SH3PXD2B: variants seen among roughly 807,000 people sequenced by gnomAD.
SH3PXD2B encodes the protein SH3 and PX domains 2B, also known as SH3 and PX domain-containing protein 2B.
In SH3PXD2B, 37 loss-of-function variants were observed where a neutral mutation model predicts 73.1. That is an observed-to-expected ratio of 0.51 (90% CI 0.39 to 0.67). The LOEUF is 0.67. Ranked by LOEUF, SH3PXD2B falls within the 30% of genes least tolerant of loss-of-function variation. The probability of loss-of-function intolerance (pLI) is 0.00; values close to 1 mark genes in which losing one functional copy is unlikely to be tolerated. For synonymous variants in SH3PXD2B, 457 were observed against 480.5 expected (o/e 0.95, Z 0.64); for missense variants, 1,053 against 1,197.8 (o/e 0.88, Z 1.78).
chr5:172,358,782 G>A lies in SH3PXD2B; in HGVS notation c.658C>T (p.Pro220Ser). The A allele has an allele frequency of 6.2e-7, 1 of 1,612,488 alleles. No individual in the cohort carries two copies. The highest frequency in any genetic ancestry group is 1.1e-5 in the South Asian group (1 of 90,690). ...DGVQDEFSLQ[P>S]EEEEKYTVIY... ...TCGAGCTCCTCCCTACCTTCTTCAG[G>A]CTGCAGAGAAAACTCATCCTGCACC... The change falls in exon 8 of 13, where the codon CCT becomes TCT. Residue 220 changes from proline to serine, a missense_variant. Coordinates refer to ENST00000311601, the MANE Select transcript of SH3PXD2B (RefSeq NM_001017995.3).
At chr5:172,370,034 G>A (rs1165924700) in intron 6 of SH3PXD2B, among the ~76,000 whole-genome samples, 1 of 152,042 alleles carries the variant, frequency 6.6e-6, no homozygotes, top group African/African-American at 2.4e-5. Context: ...AATAAATATT[G>A]AATGAATAAC....
exon 13 of SH3PXD2B, chr5:172,325,191 C>T (rs1351835481): frequency 2.7e-5 from 25 of 909,696 alleles, no homozygotes; most frequent in South Asian, 2.3e-4. Flanking sequence ...TTTTGTATTA[C>T]GCATATTTTA....
chr5:172,405,631 T>C (rs1338290255), intron 3 of SH3PXD2B, among the ~76,000 whole-genome samples: 1 of 152,214 alleles, frequency 6.6e-6, no homozygotes, highest in Non-Finnish European at 1.5e-5. Flanking sequence ...GACTTTTCTG[T>C]AGGTCTTCCA....
intron 10 of SH3PXD2B, 74 bp from the exon 11 acceptor site, chr5:172,347,406 A>G: frequency 6.1e-6 from 9 of 1,487,218 alleles, no homozygotes; most frequent in Non-Finnish European, 5.6e-6. Flanking sequence ...GGTCGGGTCT[A>G]TTTTCTCCTG....
In SH3PXD2B at chr5:172,334,652, T is replaced by C; in HGVS notation, c.*3717A>G. The C allele has an allele frequency of 3.0e-6, 3 of 985,508 alleles. No homozygotes were observed. The highest frequency in any genetic ancestry group is 3.6e-6 in the Non-Finnish European group (3 of 829,990). 61.0% of individuals were successfully genotyped at this position (985,508 alleles called of 1,614,324 possible). ...CACGATGAAAGGACGGGGGTCCAGC[T>C]ACGAATGTTTTTGTTCTTGATGTCA... is the stretch of plus-strand genomic sequence containing the variant. On this transcript the variant is annotated 3_prime_UTR_variant, in exon 13 of 13. Coordinates refer to ENST00000311601, the MANE Select transcript of SH3PXD2B (RefSeq NM_001017995.3).
chr5:172,402,741 CA>C (rs902457733), intron 3 of SH3PXD2B, among the ~76,000 whole-genome samples: 1 of 152,236 alleles, frequency 6.6e-6, no homozygotes, highest in African/African-American at 2.4e-5. Flanking sequence ...TGAAATGGGA[CA>C]GCAGCCCCTA....
At chr5:172,418,656 G>C (rs941339152) in intron 2 of SH3PXD2B, among the ~76,000 whole-genome samples, 1 of 152,204 alleles carries the variant, frequency 6.6e-6, no homozygotes, top group African/African-American at 2.4e-5. Flanking sequence ...GTGTGTGGGG[G>C]AGGAGGCGGC....
At chr5:172,410,786 G>A (rs151240406) in intron 2 of SH3PXD2B, among the ~76,000 whole-genome samples, 131 of 152,260 alleles carry the variant, frequency 8.6e-4, no homozygotes, top group African/African-American at 3.0e-3. Flanking sequence ...CAGTGAACAT[G>A]TCCTCTCATA....
chr5:172,332,498 A>C (rs1756578120), downstream of SH3PXD2B, among the ~76,000 whole-genome samples: 2 of 151,626 alleles, frequency 1.3e-5, no homozygotes, highest in African/African-American at 4.9e-5. Context: ...TCTTGGGTTC[A>C]ACAGATCCTC....
intron 2 of SH3PXD2B, among the ~76,000 whole-genome samples, chr5:172,408,046 C>A (rs868092507): frequency 1.3e-5 from 2 of 152,068 alleles, no homozygotes; most frequent in East Asian, 3.9e-4. Context: ...CTGTTCTACA[C>A]GATGCCCTGG....
chr5:172,414,015 T>C (rs10476027), intron 2 of SH3PXD2B, among the ~76,000 whole-genome samples: 55,691 of 152,076 alleles, frequency 0.37, 10,658 homozygotes, highest in East Asian at 0.67. Flanking sequence ...AGTTCTGCCA[T>C]CCCCTAGACC....
At chr5:172,453,882 CA>C (rs1220287178) in intron 1 of SH3PXD2B, among the ~76,000 whole-genome samples, 1 of 152,146 alleles carries the variant, frequency 6.6e-6, no homozygotes, top group Non-Finnish European at 1.5e-5. Context: ...CAAGGAGGGG[CA>C]AGGCGGGCGG....
Position 172,338,967 on chromosome 5 carries a change from G to A in SH3PXD2B, c.2138C>T (p.Thr713Met), listed in dbSNP as rs200089592. ...TGGGCTGAGACCATCCTGTTTGCCC[G>A]TCCTGTCCTGGGCGCGGCCAGGCCC... Reference protein sequence around the residue: ...GEGPGRAQDRTGKQDGLSPKE... With the variant: ...GEGPGRAQDRMGKQDGLSPKE... The change falls in exon 13 of 13, where the codon ACG (threonine) becomes ATG (methionine). Residue 713 changes from threonine to methionine, a missense_variant. By Grantham distance (81) the Thr-to-Met change is moderately conservative. Coordinates refer to ENST00000311601, the MANE Select transcript of SH3PXD2B (RefSeq NM_001017995.3). The surrounding 1 kb of genome is among the most constrained non-coding windows in gnomAD (Gnocchi z 5.1). 7.4e-6 allele frequency: 12 copies of A among 1,614,156 alleles called. No homozygotes were observed. The African/African-American group carries it at 9.3e-5, about 13-fold the overall frequency.
downstream of SH3PXD2B, among the ~76,000 whole-genome samples, chr5:172,333,028 C>T (rs1039241516): frequency 2.6e-5 from 4 of 151,442 alleles, no homozygotes; most frequent in Non-Finnish European, 4.4e-5. Context: ...CTCCGCCTCC[C>T]GGGTTCAAAC....
intron 6 of SH3PXD2B, among the ~76,000 whole-genome samples, chr5:172,366,235 T>G (rs745497444): frequency 9.9e-5 from 15 of 152,168 alleles, no homozygotes; most frequent in Admixed American, 5.2e-4. Context: ...CATGTCCTCA[T>G]GGAGCCACAC....
downstream of SH3PXD2B, among the ~76,000 whole-genome samples, chr5:172,331,489 T>C (rs902963858): frequency 1.3e-5 from 2 of 152,190 alleles, no homozygotes; most frequent in Non-Finnish European, 2.9e-5. Flanking sequence ...AAGAATCTCA[T>C]GTGGCCCAAA....
At chr5:172,327,675 A>G (rs2879466) in intron 12 of SH3PXD2B, among the ~76,000 whole-genome samples, 90,296 of 151,720 alleles carry the variant, frequency 0.6, 27,531 homozygotes, top group South Asian at 0.83. Flanking sequence ...TGTAGTGTCA[A>G]TCTCCTGGGC....
chr5:172,335,703 C>T lies in SH3PXD2B; in HGVS notation c.*2666G>A, dbSNP rs150647285. ...GCGCCATCAATCGCTCACAGAATAG[C>T]GACCACAGTCCTGGATGGGGTAAAT... On this transcript the variant is annotated 3_prime_UTR_variant, in exon 13 of 13. Transcript: ENST00000311601. The T allele has an allele frequency of 4.1e-6, 5 of 1,231,700 alleles. No individual in the cohort carries two copies. Among genetic ancestry groups the T allele is most frequent in the East Asian group, 6.3e-5 (2 of 31,702 alleles). 76.3% of individuals were successfully genotyped at this position (1,231,700 alleles called of 1,614,324 possible).
chr5:172,406,152 G>A (rs1758550850), intron 3 of SH3PXD2B, 125 bp downstream of exon 3: 2 of 1,115,542 alleles, frequency 1.8e-6, no homozygotes, highest in South Asian at 1.5e-5. Context: ...ACAAATGGCT[G>A]AGATTCTGGT....
Sources: allele counts gnomAD v4.1 joint callset (sites outside exome capture counted in the v4.1 genomes callset), GRCh38; gene constraint gnomAD v4.1.1; non-coding constraint Gnocchi (gnomAD v3.1); transcripts MANE v1.5; gene names NCBI Gene and HGNC (gene_info 2026-07-23, HGNC 2026-07-21).